Variants in ZC3H8 observed in about 807,000 individuals in gnomAD.
ZC3H8 encodes zinc finger CCCH domain-containing protein 8.
In ZC3H8, 27 loss-of-function variants were observed where a neutral mutation model predicts 42.5. That is an observed-to-expected ratio of 0.64 (90% CI 0.47 to 0.88). The LOEUF (loss-of-function observed/expected upper bound fraction) is 0.88. Among genes scored for constraint, ZC3H8 ranks in the 40% least tolerant of loss-of-function variants. The pLI is 0.00. For missense variants in ZC3H8, 277 were observed against 336.1 expected, an observed-to-expected ratio of 0.82 and a Z score of 1.37; for synonymous variants, 101 against 110.1, an observed-to-expected ratio of 0.92 and a Z score of 0.52.
chr2:112,242,787 T>C (rs974262724), intron 2 of ZC3H8, among the ~76,000 whole-genome samples: 1 of 152,216 alleles, frequency 6.6e-6, no homozygotes, highest in African/African-American at 2.4e-5. Context: ...AGCTCTCTTC[T>C]GATTAAAATT....
At chr2:112,254,315 T>A (rs550263302) in intron 1 of ZC3H8, among the ~76,000 whole-genome samples, 1 of 152,240 alleles carries the variant, frequency 6.6e-6, no homozygotes, top group South Asian at 2.1e-4. Context: ...TGACCAAGAG[T>A]CTCACTTGCT....
intron 8 of ZC3H8, among the ~76,000 whole-genome samples, chr2:112,223,259 TAAAAAAAGAA>T (rs1297084987): frequency 3.3e-5 from 5 of 151,062 alleles, no homozygotes; most frequent in Non-Finnish European, 5.9e-5. Flanking sequence ...AAGTATAATT[TAAAAAAAGAA>T]AAAAAAAGTA....
chr2:112,226,560 G>C (rs1401677998), intron 8 of ZC3H8, among the ~76,000 whole-genome samples: 1 of 115,636 alleles, frequency 8.6e-6, no homozygotes, highest in Non-Finnish European at 1.6e-5. Flanking sequence ...CTGCACTCCA[G>C]CCTGGGCAAC....
At chr2:112,245,359 A>G (rs1053394292) in intron 2 of ZC3H8, among the ~76,000 whole-genome samples, 15 of 152,236 alleles carry the variant, frequency 9.9e-5, no homozygotes, top group Admixed American at 3.9e-4. Flanking sequence ...CATCACATAA[A>G]AAGTGCATGA....
At position 112,236,742 on chromosome 2, in the gene ZC3H8, C is replaced by T. The variant is rs1244723953; in HGVS notation, c.371-47G>A. 3 of 1,521,916 alleles carry T rather than the reference C, an allele frequency of 2.0e-6. No homozygotes were observed. In the South Asian group the frequency reaches 3.6e-5, roughly 18 times the overall value. The allele number at this position is 1,521,916 out of a possible 1,614,324, so 94.3% of individuals were successfully genotyped here. A position where few individuals can be genotyped will look rare whatever the true frequency, so the allele number is the denominator to read the frequency against. ...AAAAAATGACATAAAGTTACAATAG[C>T]AGTTTACTTTTAAGAAGTACGGGGC... is the stretch of plus-strand genomic sequence containing the variant. On this transcript the variant is annotated intron_variant, in intron 3 of 8. Transcript: ENST00000409573.
rs528841596 is a variant in ZC3H8 at position 112,252,712 on chromosome 2, C to G, written c.74+2196G>C. Among the ~76,000 whole-genome samples, 18 of 152,260 alleles carry G rather than the reference C, an allele frequency of 1.2e-4. No individual in the cohort carries two copies. In the South Asian group the frequency reaches 3.7e-3, roughly 32 times the overall value. The stretch of plus-strand genomic sequence containing the variant: ...TAACCCAATCACACCAAGCTCACTC[C>G]GTCTGAGGACCTTTATACAGACTCC... On this transcript the variant is annotated intron_variant, in intron 1 of 8. Transcript: ENST00000409573.
intron 8 of ZC3H8, among the ~76,000 whole-genome samples, chr2:112,229,747 T>C (rs1370220572): frequency 6.6e-6 from 1 of 152,152 alleles, no homozygotes; most frequent in Admixed American, 6.5e-5. Context: ...GCACCATTAC[T>C]GTACCAACTG....
chr2:112,237,385 C>T (rs1685381706), intron 3 of ZC3H8, among the ~76,000 whole-genome samples: 1 of 152,126 alleles, frequency 6.6e-6, no homozygotes, highest in South Asian at 2.1e-4. Flanking sequence ...TCATAAATTA[C>T]TGTCAGATTT....
intron 2 of ZC3H8, 61 bp downstream of exon 2, chr2:112,250,130 T>C: frequency 7.9e-7 from 1 of 1,260,720 alleles, no homozygotes; most frequent in Non-Finnish European, 1.1e-6. Context: ...TGTTGTTCCA[T>C]GTGAAACTGA....
chr2:112,216,671 T>C (rs1369287797), intron 8 of ZC3H8, among the ~76,000 whole-genome samples: 1 of 137,896 alleles, frequency 7.3e-6, no homozygotes, highest in Non-Finnish European at 1.6e-5. Context: ...AAAACTAAGA[T>C]TAGAACTGAA....
At chr2:112,219,509 A>C (rs1037657769) in intron 8 of ZC3H8, among the ~76,000 whole-genome samples, 6 of 152,182 alleles carry the variant, frequency 3.9e-5, no homozygotes, top group Admixed American at 1.3e-4. Context: ...AAGTCTTCAC[A>C]ACACTATTTA....
In ZC3H8 at chr2:112,254,897, T is replaced by C. The variant is rs747193774; in HGVS notation, c.74+11A>G. 120 of 1,612,924 alleles carry C rather than the reference T, an allele frequency of 7.4e-5. No homozygotes were observed. Among genetic ancestry groups the C allele is most frequent in the Non-Finnish European group, 1.0e-4 (119 of 1,179,516 alleles). ...CCCCTGCATTCAAAAGATGAAAAGATATGGGATCACCTTTCGTCAGAGTCC... is the reference window on the plus strand; with the variant it reads ...CCCCTGCATTCAAAAGATGAAAAGACATGGGATCACCTTTCGTCAGAGTCC... On this transcript the variant is annotated intron_variant, in intron 1 of 8. Transcript: ENST00000409573.
intron 1 of ZC3H8, among the ~76,000 whole-genome samples, chr2:112,251,022 C>A (rs74600755): frequency 0.13 from 19,154 of 152,094 alleles, 1,368 homozygotes; most frequent in Non-Finnish European, 0.16. Flanking sequence ...AATATAAGAA[C>A]ATGGTGAACA....
At position 112,255,042 on chromosome 2, in the gene ZC3H8, T is replaced by C. The variant is rs532640667; in HGVS notation, c.-61A>G. ...GCTACAGAGTAACAACCCGAGAGAG[T>C]GACAACCCGGACGCGACGAGACGGA... On this transcript the variant is annotated 5_prime_UTR_variant, in exon 1 of 9. Transcript: ENST00000409573. 8 of 1,523,260 alleles carry C rather than the reference T, an allele frequency of 5.3e-6. No individual in the cohort carries two copies. Among genetic ancestry groups the C allele is most frequent in the Non-Finnish European group, 6.2e-6 (7 of 1,130,948 alleles). The allele number at this position is 1,523,260 out of a possible 1,614,324, so 94.4% of individuals were successfully genotyped here.
intron 8 of ZC3H8, among the ~76,000 whole-genome samples, chr2:112,226,267 G>T (rs1684825066): frequency 6.6e-6 from 1 of 151,218 alleles, no homozygotes; most frequent in Non-Finnish European, 1.5e-5. Flanking sequence ...AACAAGGACA[G>T]AAATTGAATC....
intron 2 of ZC3H8, among the ~76,000 whole-genome samples, chr2:112,240,982 TGTGCGC>T (rs1685555648): frequency 7.1e-6 from 1 of 140,640 alleles, no homozygotes; most frequent in African/African-American, 2.6e-5. Context: ...TGTGTGTGTG[TGTGCGC>T]GTGTGTATGT....
At chr2:112,238,712 A>T in intron 2 of ZC3H8, 184 bp from the exon 3 acceptor site, 1 of 443,366 alleles carries the variant, frequency 2.3e-6, no homozygotes, top group Non-Finnish European at 3.9e-6. Flanking sequence ...AAAAAAGAAA[A>T]AATTTCCAGA....
intron 3 of ZC3H8, among the ~76,000 whole-genome samples, chr2:112,237,410 T>G (rs1323063650): frequency 6.6e-6 from 1 of 152,158 alleles, no homozygotes; most frequent in Non-Finnish European, 1.5e-5. Flanking sequence ...CTGAAAACAT[T>G]TTAAATAGAT....
At chr2:112,255,042 TGACAACCCGGACGC>T, upstream of ZC3H8, 2 of 1,523,260 alleles carry the variant, frequency 1.3e-6, no homozygotes, top group Non-Finnish European at 1.8e-6. Flanking sequence ...CCCGAGAGAG[TGACAACCCGGACGC>T]GACGAGACGG....
Sources: gnomAD v4.1 joint callset for allele counts (sites outside exome capture counted in the v4.1 genomes callset) on GRCh38, gnomAD v4.1.1 for gene constraint, MANE v1.5 for transcripts, NCBI Gene and HGNC (gene_info 2026-07-23, HGNC 2026-07-21) for gene names.